CREBBP: variants seen among roughly 807,000 people sequenced by gnomAD.
CREBBP encodes the protein CREB-binding protein.
In CREBBP, 19 loss-of-function variants were observed where a neutral mutation model predicts 265.0. That is an observed-to-expected ratio of 0.07 (90% CI 0.05 to 0.11). CREBBP has a LOEUF of 0.11. Ranked by LOEUF, CREBBP falls within the 10% of genes least tolerant of loss-of-function variation. The pLI is 1.00. For synonymous variants in CREBBP, 1,457 were observed against 1,223.7 expected (o/e 1.19, Z -3.98); for missense variants, 2,525 against 3,219.0 (o/e 0.78, Z 5.22).
chr16:3,803,849 G>T (rs1277316045), intron 3 of CREBBP, among the ~76,000 whole-genome samples: 1 of 152,118 alleles, frequency 6.6e-6, no homozygotes, highest in African/African-American at 2.4e-5. Flanking sequence ...GGGAGGCCCA[G>T]GTGGGTGGAT....
Position 3,731,733 on chromosome 16 carries a change from T to C in CREBBP, c.4890+43A>G, listed in dbSNP as rs1439602974. 1.2e-6 allele frequency: 2 copies of C among 1,613,368 alleles called. No individual in the cohort carries two copies. The highest frequency in any genetic ancestry group is 2.7e-5 in the African/African-American group (2 of 75,028). ...CCGCCAGCTGCGAGTCTTTCCCTCC[T>C]CCCGGCCAGAGGCACGGCTGCAGCA... On this transcript the variant is annotated intron_variant, in intron 29 of 30. Transcript: ENST00000262367. The surrounding 1 kb of genome is among the most constrained non-coding windows in gnomAD (Gnocchi z 7.7).
chr16:3,775,815 C>T (rs1391532766), intron 11 of CREBBP, among the ~76,000 whole-genome samples: 1 of 152,192 alleles, frequency 6.6e-6, no homozygotes, highest in African/African-American at 2.4e-5. Context: ...CATCATACCC[C>T]ACACCAGCAG....
At chr16:3,735,936 A>G in intron 28 of CREBBP, 100 bp downstream of exon 28, 1 of 1,599,014 alleles carries the variant, frequency 6.3e-7, no homozygotes, top group Non-Finnish European at 8.6e-7. Flanking sequence ...CGGAGACACC[A>G]CCACAGGAAG....
rs527770234 is a variant in CREBBP at position 3,794,570 on chromosome 16, G to A, written c.976-944C>T. Among the ~76,000 whole-genome samples, 4 of 152,196 alleles carry A rather than the reference G, an allele frequency of 2.6e-5. No homozygotes were observed. The East Asian group carries it at 5.8e-4, about 22-fold the overall frequency. On this transcript the variant is annotated intron_variant, in intron 3 of 30. Transcript: ENST00000262367. Reference sequence around the variant, plus strand: ...CCAGTGCAATGGGAAATGCATTCTTGTCCTATGCTTTGTTTTTCATTACAA... The same window carrying A: ...CCAGTGCAATGGGAAATGCATTCTTATCCTATGCTTTGTTTTTCATTACAA...
At chr16:3,745,574 T>C in intron 21 of CREBBP, 1 of 561,766 alleles carries the variant, frequency 1.8e-6, no homozygotes, top group Non-Finnish European at 3.2e-6. Context: ...AAGCGCTTCA[T>C]TCCTCTTTTC....
intron 21 of CREBBP, among the ~76,000 whole-genome samples, chr16:3,747,074 C>G (rs1317547093): frequency 1.3e-5 from 2 of 152,140 alleles, no homozygotes; most frequent in Middle Eastern, 3.2e-3. Context: ...CCCCTTCCCT[C>G]AGTCCCCCAG....
intron 26 of CREBBP, among the ~76,000 whole-genome samples, chr16:3,737,455 C>CTT (rs111941103): frequency 7.7e-5 from 11 of 142,564 alleles, no homozygotes; most frequent in African/African-American, 1.5e-4. Flanking sequence ...TTTCTTTTTT[C>CTT]TTTTTTTTTT....
intron 2 of CREBBP, among the ~76,000 whole-genome samples, chr16:3,849,484 T>TGTGTGTGTGTGTG (rs2054778434): frequency 1.6e-5 from 2 of 125,004 alleles, no homozygotes; most frequent in Non-Finnish European, 3.4e-5. Context: ...TGTGTGTGTG[T>TGTGTGTGTGTGTG]GTGTGATGTG....
At chr16:3,776,080 C>T (rs576537258) in intron 11 of CREBBP, among the ~76,000 whole-genome samples, 1 of 152,226 alleles carries the variant, frequency 6.6e-6, no homozygotes, top group Non-Finnish European at 1.5e-5. Flanking sequence ...CCATGCCTGG[C>T]TAAATTTTGT....
At chr16:3,795,387 CT>C (rs1822182997) in intron 3 of CREBBP, among the ~76,000 whole-genome samples, 1 of 152,044 alleles carries the variant, frequency 6.6e-6, no homozygotes, top group African/African-American at 2.4e-5. Context: ...TTTTTCCCTT[CT>C]TTTTTCTATA....
rs766714742 is a variant in CREBBP at position 3,728,557 on chromosome 16, G to A, written c.6490C>T (p.Leu2164=). The part of the protein sequence containing the change: ...VPPQQQAMGG[L]NPQGQALNIM... Reference sequence around the variant, plus strand: ...TTCAAGGCCTGGCCCTGGGGGTTCAGGCCTCCCATCGCCTGCTGCTGTGGA... The same window carrying A: ...TTCAAGGCCTGGCCCTGGGGGTTCAAGCCTCCCATCGCCTGCTGCTGTGGA... The change falls in exon 31 of 31, where the codon CTG becomes TTG. Residue 2164 remains leucine (L), a synonymous_variant. Coordinates refer to ENST00000262367, the MANE Select transcript of CREBBP (RefSeq NM_004380.3). The surrounding 1 kb of genome is among the most constrained non-coding windows in gnomAD (Gnocchi z 8.7). 205 of 1,613,932 alleles carry A rather than the reference G, an allele frequency of 1.3e-4. No individual in the cohort carries two copies. The highest frequency in any genetic ancestry group is 1.7e-4 in the Non-Finnish European group (198 of 1,180,000).
In CREBBP at chr16:3,850,586, T is replaced by G. The variant is rs770893966; in HGVS notation, c.509A>C (p.Gln170Pro). 3 of 1,614,268 alleles carry G rather than the reference T, an allele frequency of 1.9e-6. No individual in the cohort carries two copies. The South Asian group carries it at 3.3e-5, about 18-fold the overall frequency. The stretch of plus-strand genomic sequence containing the variant: ...ATTCATGCAGATACCAGGTCCAGTC[T>G]GTGACGTGGCAGGGCTGCTAGTCGC... ...GLATSSPATS[Q>P]TGPGICMNAN... is the part of the protein sequence containing the mutation. The change falls in exon 2 of 31, where the codon CAG becomes CCG. Residue 170 changes from glutamine (Q) to proline (P), a missense_variant. Around this residue, in one of 19 missense-constraint regions of CREBBP, gnomAD observed 356 missense variants for 340.4 expected, o/e 1.05. Coordinates refer to ENST00000262367, the MANE Select transcript of CREBBP (RefSeq NM_004380.3).
chr16:3,861,932 C>T (rs1292591990), intron 1 of CREBBP, among the ~76,000 whole-genome samples: 1 of 152,164 alleles, frequency 6.6e-6, no homozygotes, highest in East Asian at 1.9e-4. Context: ...TCTTGCCCCT[C>T]CTCAGAATCA....
At chr16:3,792,151 A>T in intron 4 of CREBBP, 57 bp from the exon 5 acceptor site, 1 of 1,324,700 alleles carries the variant, frequency 7.5e-7, no homozygotes, top group South Asian at 1.2e-5. Context: ...CACACTTTCA[A>T]TTATACCTAA....
At chr16:3,843,715 C>G (rs756365675) in intron 2 of CREBBP, among the ~76,000 whole-genome samples, 1 of 151,922 alleles carries the variant, frequency 6.6e-6, no homozygotes, top group Non-Finnish European at 1.5e-5. Context: ...CCACCACGCC[C>G]GGCACTATTG....
At chr16:3,733,728 G>A (rs1310070155) in intron 28 of CREBBP, among the ~76,000 whole-genome samples, 1 of 152,116 alleles carries the variant, frequency 6.6e-6, no homozygotes, top group African/African-American at 2.4e-5. Flanking sequence ...TGCAATCTGT[G>A]CCTCCCGGGT....
Position 3,728,754 on chromosome 16 carries a change from G to A in CREBBP, c.6293C>T (p.Ala2098Val). Residue 2098 changes from alanine to valine, a missense_variant, in exon 31 of 31, where the codon GCA (alanine) becomes GTA (valine). Transcript: ENST00000262367. This position sits in a 1 kb window ranked among gnomAD's most constrained non-coding sequence, Gnocchi z 8.7. ...NILKSNPQLMAAFIKQRTAKY... is the reference protein window; with the variant it reads ...NILKSNPQLMVAFIKQRTAKY... ...GGCTGTGCGCTGTTTGATGAAAGCT[G>A]CCATTAGCTGCGGGTTTGATTTGAG... 6.2e-7 allele frequency: 1 copy of A among 1,613,960 alleles called. No homozygotes were observed. The highest frequency in any genetic ancestry group is 8.5e-7 in the Non-Finnish European group (1 of 1,180,010).
At chr16:3,742,707 A>AT (rs757246659) in intron 23 of CREBBP, 32 of 152,136 alleles carry the variant, frequency 2.1e-4, no homozygotes, top group Non-Finnish European at 4.1e-4. Flanking sequence ...TCAATGCAAG[A>AT]TTAAGGAAGC....
At chr16:3,800,171 T>A (rs560493490) in intron 3 of CREBBP, among the ~76,000 whole-genome samples, 16 of 152,316 alleles carry the variant, frequency 1.1e-4, no homozygotes, top group African/African-American at 3.8e-4. Flanking sequence ...CAGGCTGAAG[T>A]GAAGTAGTGC....
Sources: allele counts gnomAD v4.1 joint callset (sites outside exome capture counted in the v4.1 genomes callset), GRCh38; gene constraint gnomAD v4.1.1; regional missense constraint gnomAD v4.1.1; non-coding constraint Gnocchi (gnomAD v3.1); transcripts MANE v1.5; gene names NCBI Gene and HGNC (gene_info 2026-07-23, HGNC 2026-07-21).